The following ZFAT variants were observed in gnomAD, a reference collection of about 807,000 sequenced individuals.
ZFAT encodes zinc finger protein ZFAT.
A neutral mutation model predicts 117.7 loss-of-function variants in ZFAT; 64 were observed. That is an observed-to-expected ratio of 0.54 (90% CI 0.44 to 0.67). The LOEUF (loss-of-function observed/expected upper bound fraction) is 0.67. Among genes scored for constraint, ZFAT ranks in the 30% least tolerant of loss-of-function variants. The pLI, the probability that ZFAT is intolerant of heterozygous loss-of-function variation, is 0.00. For missense variants in ZFAT, 1,433 were observed against 1,584.5 expected, an observed-to-expected ratio of 0.90 and a Z score of 1.62; for synonymous variants, 679 against 615.0, an observed-to-expected ratio of 1.10 and a Z score of -1.54.
intron 15 of ZFAT, among the ~76,000 whole-genome samples, chr8:134,488,588 T>C (rs986652742): frequency 3.9e-5 from 6 of 152,218 alleles, no homozygotes; most frequent in African/African-American, 9.6e-5. Context: ...AGACAACTTC[T>C]AGGCCCTCTC....
intron 3 of ZFAT, among the ~76,000 whole-genome samples, chr8:134,614,034 T>G (rs1457202264): frequency 1.3e-5 from 2 of 152,226 alleles, no homozygotes; most frequent in African/African-American, 4.8e-5. Flanking sequence ...AACAGTATCT[T>G]GACTAACACA....
chr8:134,583,622 G>GT (rs141273162), intron 10 of ZFAT, among the ~76,000 whole-genome samples: 15,462 of 152,212 alleles, frequency 0.1, 1,110 homozygotes, highest in East Asian at 0.34. Flanking sequence ...GACACACCCA[G>GT]TAAGTGTTTA....
intron 6 of ZFAT, 54 bp downstream of exon 6, chr8:134,601,423 A>C: frequency 1.3e-6 from 2 of 1,538,882 alleles, no homozygotes; most frequent in South Asian, 1.3e-5. Flanking sequence ...ATGCGAGGTG[A>C]CCACAGCATG....
At chr8:134,573,524 G>T (rs1164628226) in intron 10 of ZFAT, among the ~76,000 whole-genome samples, 1 of 152,154 alleles carries the variant, frequency 6.6e-6, no homozygotes, top group African/African-American at 2.4e-5. Flanking sequence ...ACATCTTTCT[G>T]AGTGCCAGGC....
the ZFAT span, among the ~76,000 whole-genome samples, chr8:134,798,758 G>C: frequency 2.2e-4 from 33 of 152,028 alleles, no homozygotes; most frequent in Non-Finnish European, 1.0e-4. Flanking sequence ...TTAAACACTA[G>C]AATTAGGAAT....
intron 3 of ZFAT, among the ~76,000 whole-genome samples, chr8:134,637,024 CT>C (rs1404065451): frequency 6.6e-6 from 1 of 152,278 alleles, no homozygotes; most frequent in East Asian, 1.9e-4. Flanking sequence ...CATCCATCCA[CT>C]AAGACGTCCT....
At position 134,695,672 on chromosome 8, in the gene ZFAT, G is replaced by C. The variant is rs534465336; in HGVS notation, c.19+17173C>G. 6.2e-4 allele frequency among the ~76,000 whole-genome samples: 88 copies of C among 142,824 alleles called. 1 individual carries two copies. The highest frequency in any genetic ancestry group is 5.7e-3 in the Admixed American group (82 of 14,408). The allele number at this position is 142,824 out of a possible 152,430, so 93.7% of individuals were successfully genotyped here. ...CAAGCCTGGGTCATCTCTAACAAAG[G>C]TGGCACCGCCCCCCCAGGCCCAGGC... On this transcript the variant is annotated intron_variant, in intron 1 of 15. Transcript: ENST00000377838.
intron 2 of ZFAT, among the ~76,000 whole-genome samples, chr8:134,639,292 C>G (rs895666135): frequency 3.3e-5 from 5 of 152,168 alleles, no homozygotes; most frequent in African/African-American, 1.2e-4. Flanking sequence ...CAGAATGAAG[C>G]AAGAGATTTC....
At chr8:134,788,259 C>A in the ZFAT span, among the ~76,000 whole-genome samples, 2,893 of 152,246 alleles carry the variant, frequency 0.019, 40 homozygotes, top group Non-Finnish European at 0.028. Context: ...CTAATGTATG[C>A]ATGTAAATCT....
At chr8:134,718,454 C>T in the ZFAT span, among the ~76,000 whole-genome samples, 3 of 152,142 alleles carry the variant, frequency 2.0e-5, no homozygotes, top group South Asian at 4.1e-4. Context: ...GCCGAGATCA[C>T]GCCATTCACT....
chr8:134,698,008 G>A (rs938978018), intron 1 of ZFAT, among the ~76,000 whole-genome samples: 2 of 151,552 alleles, frequency 1.3e-5, no homozygotes, highest in Non-Finnish European at 2.9e-5. Context: ...CACCAGGGCC[G>A]GTCAGGAACA....
the ZFAT span, among the ~76,000 whole-genome samples, chr8:134,830,851 G>A: frequency 6.6e-6 from 1 of 152,184 alleles, no homozygotes; most frequent in East Asian, 1.9e-4. Flanking sequence ...CTGATTTAGT[G>A]ATTTAGTGGA....
the ZFAT span, among the ~76,000 whole-genome samples, chr8:134,780,430 C>T: frequency 1.8e-4 from 27 of 152,308 alleles, no homozygotes; most frequent in African/African-American, 5.5e-4. Context: ...TTTCAAGTTC[C>T]ACCTGCTGCA....
chr8:134,645,513 GGAA>G (rs1830835942), intron 2 of ZFAT, among the ~76,000 whole-genome samples: 2 of 152,062 alleles, frequency 1.3e-5, no homozygotes, highest in South Asian at 4.2e-4. Flanking sequence ...GAAAACATAC[GGAA>G]GAAGAATTTG....
At chr8:134,642,589 A>G (rs992085533) in intron 2 of ZFAT, among the ~76,000 whole-genome samples, 5 of 152,212 alleles carry the variant, frequency 3.3e-5, no homozygotes, top group Non-Finnish European at 7.3e-5. Context: ...ATGTACATGC[A>G]TTCTCATTCA....
intron 1 of ZFAT, among the ~76,000 whole-genome samples, chr8:134,685,545 T>G (rs548997535): frequency 2.6e-5 from 4 of 152,006 alleles, no homozygotes; most frequent in African/African-American, 9.7e-5. Context: ...AGCTGGAAAA[T>G]AACAGTATGC....
chr8:134,714,106 T>TC (rs1814152271), upstream of ZFAT, among the ~76,000 whole-genome samples: 1 of 77,810 alleles, frequency 1.3e-5, no homozygotes, highest in African/African-American at 5.8e-5. Flanking sequence ...TGCAAAGACA[T>TC]GCCCCCCCCC....
the ZFAT span, among the ~76,000 whole-genome samples, chr8:134,741,271 T>A: frequency 6.6e-6 from 1 of 152,044 alleles, no homozygotes; most frequent in Non-Finnish European, 1.5e-5. Flanking sequence ...TTGGCTCACG[T>A]TGACCTCTCA....
chr8:134,730,875 C>T, the ZFAT span, among the ~76,000 whole-genome samples: 5 of 152,256 alleles, frequency 3.3e-5, no homozygotes, highest in South Asian at 2.1e-4. Flanking sequence ...GATAGCATTC[C>T]GTGGGAATAT....
Sources: allele counts gnomAD v4.1 joint callset (sites outside exome capture counted in the v4.1 genomes callset), GRCh38; gene constraint gnomAD v4.1.1; transcripts MANE v1.5; gene names NCBI Gene and HGNC (gene_info 2026-07-23, HGNC 2026-07-21).